The following TTC28 variants were observed in gnomAD, a reference collection of about 807,000 sequenced individuals.
TTC28 encodes tetratricopeptide repeat domain 28.
Under a neutral mutation model 198.0 loss-of-function variants are expected in TTC28, and 61 were observed. The observed-to-expected ratio is 0.31, with a 90% confidence interval of 0.25 to 0.38. TTC28 has a LOEUF of 0.38. Ranked by LOEUF, TTC28 falls within the 10% of genes least tolerant of loss-of-function variation. The pLI, the probability that TTC28 is intolerant of heterozygous loss-of-function variation, is 1.00. For synonymous variants in TTC28, 1,171 were observed against 1,297.8 expected (o/e 0.90, Z 2.10); for missense variants, 2,678 against 3,164.0 (o/e 0.85, Z 3.69).
chr22:28,102,340 T>C (rs1305165968), intron 8 of TTC28, among the ~76,000 whole-genome samples: 2 of 152,190 alleles, frequency 1.3e-5, no homozygotes, highest in East Asian at 1.9e-4. Flanking sequence ...CAAGTGCTAT[T>C]ATGAGGCAAA....
intron 2 of TTC28, among the ~76,000 whole-genome samples, chr22:28,454,551 T>C (rs1226570676): frequency 6.6e-6 from 1 of 152,168 alleles, no homozygotes; most frequent in Non-Finnish European, 1.5e-5. Context: ...CAGAAGATAC[T>C]TAACTGAAAG....
rs140665488 is a variant in TTC28, at chr22:27,985,772, C to T, written c.5708-416G>A. On this transcript the variant is annotated intron_variant, in intron 21 of 22. Coordinates refer to ENST00000397906, the MANE Select transcript of TTC28 (RefSeq NM_001145418.2). The stretch of plus-strand genomic sequence containing the variant: ...TTGACAGCAGTATTTAAAGCTGGTG[C>T]ATGGTGAGGTGAAGTTTCTCAAGGG... 4.7e-3 allele frequency: 757 copies of T among 159,862 alleles called. 1 individual carries two copies. The highest frequency in any genetic ancestry group is 8.4e-3 in the Non-Finnish European group (601 of 71,266). 9.9% of individuals were successfully genotyped at this position (159,862 alleles called of 1,614,324 possible). A position where few individuals can be genotyped will look rare whatever the true frequency, so the allele number is the denominator to read the frequency against.
At chr22:28,385,988 T>A (rs1305963408) in intron 2 of TTC28, among the ~76,000 whole-genome samples, 1 of 152,122 alleles carries the variant, frequency 6.6e-6, no homozygotes, top group Admixed American at 6.5e-5. Context: ...ATAAGAAGGC[T>A]TCACCAGGCC....
chr22:28,404,367 C>T (rs759450140), intron 2 of TTC28, among the ~76,000 whole-genome samples: 1 of 152,210 alleles, frequency 6.6e-6, no homozygotes, highest in Non-Finnish European at 1.5e-5. Context: ...ATCCGCCCGC[C>T]TCGGCCTCCC....
At chr22:28,333,717 A>C (rs1303902653) in intron 2 of TTC28, among the ~76,000 whole-genome samples, 3 of 152,076 alleles carry the variant, frequency 2.0e-5, no homozygotes, top group Admixed American at 6.6e-5. Context: ...TGCATACCAA[A>C]TTTTAAAACC....
chr22:28,210,121 C>G (rs1723070266), intron 5 of TTC28, among the ~76,000 whole-genome samples: 1 of 152,196 alleles, frequency 6.6e-6, no homozygotes, highest in African/African-American at 2.4e-5. Flanking sequence ...ACATCCACAC[C>G]AAAACCCCAT....
chr22:28,507,438 G>C (rs1445109276), intron 2 of TTC28, among the ~76,000 whole-genome samples: 1 of 152,146 alleles, frequency 6.6e-6, no homozygotes, highest in Non-Finnish European at 1.5e-5. Context: ...ACTGACTGGG[G>C]TTCCTGAAAG....
intron 6 of TTC28, among the ~76,000 whole-genome samples, chr22:28,130,411 T>C (rs1171174625): frequency 1.3e-5 from 2 of 152,242 alleles, no homozygotes; most frequent in African/African-American, 4.8e-5. Context: ...AACTTCCTAG[T>C]TGTATCTTCA....
chr22:28,275,659 A>G (rs1222643181), intron 5 of TTC28, among the ~76,000 whole-genome samples: 1 of 152,046 alleles, frequency 6.6e-6, no homozygotes, highest in African/African-American at 2.4e-5. Flanking sequence ...TTTTGGAGAG[A>G]GTAAAGGTAT....
chr22:28,504,538 A>G (rs1179468668), intron 2 of TTC28, among the ~76,000 whole-genome samples: 2 of 152,166 alleles, frequency 1.3e-5, no homozygotes, highest in African/African-American at 2.4e-5. Flanking sequence ...GCTCTCCTAG[A>G]AAGACAGCTG....
Position 28,306,489 on chromosome 22 carries a change from T to C in TTC28, c.529+7A>G, listed in dbSNP as rs2045148356. 1 of 1,547,914 alleles carries C rather than the reference T, an allele frequency of 6.5e-7. No individual in the cohort carries two copies. Among genetic ancestry groups the C allele is most frequent in the Non-Finnish European group, 8.7e-7 (1 of 1,146,058 alleles). On this transcript the variant is annotated splice_region_variant and intron_variant, in intron 3 of 22. Coordinates refer to ENST00000397906, the MANE Select transcript of TTC28 (RefSeq NM_001145418.2). ...AATGTTATACCAAGTACTTTTATCA[T>C]ATTTACCTCTCATGGGAGATTTCAT...
chr22:27,991,860 T>C (rs1271330753), intron 19 of TTC28, among the ~76,000 whole-genome samples: 5 of 152,240 alleles, frequency 3.3e-5, no homozygotes, highest in African/African-American at 1.2e-4. Flanking sequence ...GAACTAGATC[T>C]GTATTTTCCT....
chr22:28,037,539 T>C lies in TTC28; in HGVS notation c.3933-7173A>G, dbSNP rs1939415020. Among the ~76,000 whole-genome samples, 8 of 152,340 alleles carry C rather than the reference T, an allele frequency of 5.3e-5. No homozygotes were observed. The South Asian group carries it at 1.4e-3, about 28-fold the overall frequency. On this transcript the variant is annotated intron_variant, in intron 12 of 22. Transcript: ENST00000397906. The stretch of plus-strand genomic sequence containing the variant: ...ATCTCAAAATAATAAGAGCTATTTA[T>C]GACAAACCCACAGCCAATATCATAC...
intron 5 of TTC28, among the ~76,000 whole-genome samples, chr22:28,290,033 AT>A (rs200472880): frequency 9.3e-5 from 14 of 150,320 alleles, no homozygotes; most frequent in South Asian, 4.2e-4. Flanking sequence ...CAAAAAAAAA[AT>A]TTTTTTTTTT....
rs530476598 is a variant in TTC28 at position 28,631,808 on chromosome 22, G to A, written c.103-1978C>T. Among the ~76,000 whole-genome samples, 5 of 152,190 alleles carry A rather than the reference G, an allele frequency of 3.3e-5. No homozygotes were observed. The East Asian group carries it at 9.6e-4, about 29-fold the overall frequency. On this transcript the variant is annotated intron_variant, in intron 1 of 22. Transcript: ENST00000397906. ...CCCAAACTGCTGGGACTACAGATGT[G>A]AACCACAGCACCCAGCCTGTTACTC...
chr22:28,599,324 C>A (rs2050599334), intron 2 of TTC28, among the ~76,000 whole-genome samples: 1 of 152,182 alleles, frequency 6.6e-6, no homozygotes, highest in Non-Finnish European at 1.5e-5. Context: ...AAATTCTGAA[C>A]CTTTGGTAAC....
At chr22:28,622,230 A>G (rs1317805710) in intron 2 of TTC28, among the ~76,000 whole-genome samples, 2 of 152,216 alleles carry the variant, frequency 1.3e-5, no homozygotes, top group African/African-American at 4.8e-5. Flanking sequence ...AGAAAACCAC[A>G]GCCTTTGGCC....
At chr22:28,420,925 T>C (rs2047243324) in intron 2 of TTC28, among the ~76,000 whole-genome samples, 1 of 152,162 alleles carries the variant, frequency 6.6e-6, no homozygotes, top group African/African-American at 2.4e-5. Context: ...TTAAACACTA[T>C]TTTAGCTGAG....
chr22:28,632,776 A>G (rs370514656), intron 1 of TTC28, among the ~76,000 whole-genome samples: 2 of 151,940 alleles, frequency 1.3e-5, no homozygotes, highest in African/African-American at 2.4e-5. Flanking sequence ...ATTAAAAAAA[A>G]AAAAAGGAGA....
Sources: allele counts gnomAD v4.1 joint callset (sites outside exome capture counted in the v4.1 genomes callset), GRCh38; gene constraint gnomAD v4.1.1; transcripts MANE v1.5; gene names NCBI Gene and HGNC (gene_info 2026-07-23, HGNC 2026-07-21).